C12orf42: variants seen among roughly 807,000 people sequenced by gnomAD.
C12orf42 encodes chromosome 12 open reading frame 42, also known as uncharacterized protein C12orf42.
Under a neutral mutation model 21.6 loss-of-function variants are expected in C12orf42, and 25 were observed. That is an observed-to-expected ratio of 1.16 (90% CI 0.84 to 1.62). C12orf42 has a LOEUF of 1.62. C12orf42 is among the 40% of genes most tolerant of loss of function. C12orf42 has a pLI of 0.00. For missense variants in C12orf42, 483 were observed against 459.3 expected (o/e 1.05, Z -0.47); for synonymous variants, 174 against 175.0 (o/e 0.99, Z 0.05).
the C12orf42 span, among the ~76,000 whole-genome samples, chr12:103,206,517 A>ATATT: frequency 0.027 from 3,821 of 144,170 alleles, 58 homozygotes; most frequent in East Asian, 0.033. Flanking sequence ...GACCTTTTCT[A>ATATT]TATTACACAC....
intron 5 of C12orf42, among the ~76,000 whole-genome samples, chr12:103,275,742 T>TTA (rs565274413): frequency 7.0e-6 from 1 of 143,418 alleles, no homozygotes; most frequent in African/African-American, 2.5e-5. Context: ...CAAGTAGGAT[T>TTA]TTTTTTTTTT....
chr12:103,283,862 C>A (rs1341644689), intron 4 of C12orf42, among the ~76,000 whole-genome samples: 2 of 152,180 alleles, frequency 1.3e-5, no homozygotes, highest in Admixed American at 6.5e-5. Context: ...TAGGGAATAG[C>A]CTGTCTCCTT....
At chr12:103,219,077 C>T in the C12orf42 span, among the ~76,000 whole-genome samples, 1 of 152,122 alleles carries the variant, frequency 6.6e-6, no homozygotes, top group African/African-American at 2.4e-5. Context: ...TGTTCATTCC[C>T]CTGGAAAGGG....
upstream of C12orf42, among the ~76,000 whole-genome samples, chr12:103,499,144 G>C (rs958560102): frequency 6.6e-6 from 1 of 152,074 alleles, no homozygotes; most frequent in African/African-American, 2.4e-5. Flanking sequence ...AGTCAAAGGG[G>C]ATAAACCTTC....
At chr12:103,096,125 T>C in the C12orf42 span, among the ~76,000 whole-genome samples, 1 of 152,222 alleles carries the variant, frequency 6.6e-6, no homozygotes, top group Non-Finnish European at 1.5e-5. Flanking sequence ...TTTCTTTTGC[T>C]AATCTATTTT....
chr12:103,159,539 A>G, the C12orf42 span: 1 of 152,202 alleles, frequency 6.6e-6, no homozygotes, highest in African/African-American at 2.4e-5. Context: ...TCCATAGACT[A>G]CTTGCAGAAT....
At chr12:103,219,240 A>C in the C12orf42 span, among the ~76,000 whole-genome samples, 90 of 152,246 alleles carry the variant, frequency 5.9e-4, no homozygotes, top group South Asian at 1.0e-3. Flanking sequence ...CCTTCCTTAC[A>C]CCTTATACAA....
At chr12:103,392,458 G>T (rs141607326) in intron 3 of C12orf42, among the ~76,000 whole-genome samples, 3 of 152,292 alleles carry the variant, frequency 2.0e-5, no homozygotes, top group African/African-American at 7.2e-5. Context: ...TGCAATCCAT[G>T]AACATAGAAT....
the C12orf42 span, among the ~76,000 whole-genome samples, chr12:103,141,772 C>T: frequency 7.2e-5 from 11 of 152,182 alleles, no homozygotes; most frequent in South Asian, 4.2e-4. Flanking sequence ...TCAAATGATC[C>T]GCCTGCTTCA....
intron 2 of C12orf42, chr12:103,478,100 A>G: frequency 2.6e-6 from 1 of 384,382 alleles, no homozygotes; most frequent in Non-Finnish European, 4.6e-6. Flanking sequence ...AGCAAAGACA[A>G]CACATTTCTA....
At chr12:103,287,796 CAGAGAGAGAAAG>C (rs1007842398) in intron 4 of C12orf42, among the ~76,000 whole-genome samples, 2 of 151,268 alleles carry the variant, frequency 1.3e-5, no homozygotes, top group Non-Finnish European at 2.9e-5. Context: ...AACACACACA[CAGAGAGAGAAAG>C]AGAGAGAGAG....
the C12orf42 span, among the ~76,000 whole-genome samples, chr12:103,193,279 A>C: frequency 2.0e-5 from 3 of 151,858 alleles, no homozygotes; most frequent in Admixed American, 6.5e-5. Flanking sequence ...CTATATTTAA[A>C]AAAAAGAGAG....
At chr12:103,551,335 T>C in the C12orf42 span, among the ~76,000 whole-genome samples, 1 of 152,216 alleles carries the variant, frequency 6.6e-6, no homozygotes, top group Non-Finnish European at 1.5e-5. Context: ...TATAACTGTT[T>C]ATTCTTTCAG....
the C12orf42 span, among the ~76,000 whole-genome samples, chr12:103,222,058 G>C: frequency 6.6e-6 from 1 of 152,182 alleles, no homozygotes; most frequent in Non-Finnish European, 1.5e-5. Flanking sequence ...GGCAAGATGA[G>C]AGCAGGCCCA....
At chr12:103,350,377 C>T (rs2043006377) in intron 4 of C12orf42, among the ~76,000 whole-genome samples, 1 of 152,106 alleles carries the variant, frequency 6.6e-6, no homozygotes, top group Non-Finnish European at 1.5e-5. Context: ...ACTTCCTAGT[C>T]GTCTTGGTTA....
intron 4 of C12orf42, among the ~76,000 whole-genome samples, chr12:103,360,008 C>T (rs1405804923): frequency 4.0e-5 from 6 of 151,466 alleles, no homozygotes; most frequent in African/African-American, 1.5e-4. Flanking sequence ...CTGCCATATC[C>T]ATGCCCTTGT....
chr12:103,392,842 G>A (rs1238732315), intron 3 of C12orf42, among the ~76,000 whole-genome samples: 1 of 152,128 alleles, frequency 6.6e-6, no homozygotes, highest in Non-Finnish European at 1.5e-5. Flanking sequence ...TTCTCTTTCT[G>A]GCAGCTGTGC....
chr12:103,073,728 G>A, the C12orf42 span, among the ~76,000 whole-genome samples: 1 of 152,030 alleles, frequency 6.6e-6, no homozygotes, highest in South Asian at 2.1e-4. Flanking sequence ...AAAAAAATAA[G>A]CAAGAAAACA....
At chr12:103,235,446 A>G (rs1433196526), downstream of C12orf42, among the ~76,000 whole-genome samples, 1 of 152,136 alleles carries the variant, frequency 6.6e-6, no homozygotes, top group African/African-American at 2.4e-5. Context: ...CAAATGTTGA[A>G]CCAGCCTTGC....
Sources: gnomAD v4.1 joint callset for allele counts (sites outside exome capture counted in the v4.1 genomes callset) on GRCh38, gnomAD v4.1.1 for gene constraint, MANE v1.5 for transcripts, NCBI Gene and HGNC (gene_info 2026-07-23, HGNC 2026-07-21) for gene names.